Variants in ZFAND3 observed in about 807,000 individuals in gnomAD.
ZFAND3 encodes zinc finger AN1-type containing 3, also known as AN1-type zinc finger protein 3.
In ZFAND3, 10 loss-of-function variants were observed where a neutral mutation model predicts 29.6. The observed-to-expected ratio is 0.34, with a 90% CI of 0.21 to 0.57. ZFAND3 has a LOEUF of 0.57. ZFAND3 is among the 20% of genes least tolerant of loss of function. The pLI is 0.86. For missense variants in ZFAND3, 230 were observed against 304.5 expected (o/e 0.76, Z 1.82); for synonymous variants, 128 against 112.6 (o/e 1.14, Z -0.87).
chr6:38,057,404 A>C (rs1382515309), intron 2 of ZFAND3, among the ~76,000 whole-genome samples: 1 of 152,222 alleles, frequency 6.6e-6, no homozygotes, highest in African/African-American at 2.4e-5. Flanking sequence ...TGTGATGCAA[A>C]TATCAGGGCC....
At chr6:38,014,336 T>TATTA (rs563013436) in intron 2 of ZFAND3, among the ~76,000 whole-genome samples, 2,888 of 147,196 alleles carry the variant, frequency 0.02, 45 homozygotes, top group Non-Finnish European at 0.025. Flanking sequence ...TATTATTTTT[T>TATTA]TTTTTTTGAG....
chr6:37,897,286 A>G (rs1220255765), intron 1 of ZFAND3, among the ~76,000 whole-genome samples: 2 of 152,184 alleles, frequency 1.3e-5, no homozygotes, highest in Non-Finnish European at 2.9e-5. Flanking sequence ...TGTAACTAGA[A>G]TCATAGGCAC....
chr6:37,969,394 C>T (rs1263878967), intron 2 of ZFAND3, among the ~76,000 whole-genome samples: 7 of 152,108 alleles, frequency 4.6e-5, no homozygotes, highest in African/African-American at 1.7e-4. Context: ...CCTTAAGCTG[C>T]CAAACATTAT....
chr6:38,114,643 A>C (rs1347218496), intron 4 of ZFAND3, among the ~76,000 whole-genome samples: 1 of 152,156 alleles, frequency 6.6e-6, no homozygotes, highest in African/African-American at 2.4e-5. Context: ...ACTATGAGCA[A>C]ACTACCAGCA....
intron 1 of ZFAND3, among the ~76,000 whole-genome samples, chr6:37,827,789 C>T (rs1250668665): frequency 2.0e-5 from 3 of 152,164 alleles, no homozygotes; most frequent in Non-Finnish European, 2.9e-5. Context: ...ACCAGATGTC[C>T]CATATCATAG....
At chr6:38,085,318 T>A (rs1326904465) in intron 4 of ZFAND3, among the ~76,000 whole-genome samples, 1 of 152,114 alleles carries the variant, frequency 6.6e-6, no homozygotes, top group Non-Finnish European at 1.5e-5. Context: ...AGACACAGAG[T>A]GAGACCTTAA....
At chr6:37,968,858 A>T (rs2127427522) in intron 2 of ZFAND3, among the ~76,000 whole-genome samples, 1 of 152,284 alleles carries the variant, frequency 6.6e-6, no homozygotes, top group South Asian at 2.1e-4. Flanking sequence ...GAAACACCCG[A>T]GTGTGTCCAG....
intron 2 of ZFAND3, among the ~76,000 whole-genome samples, chr6:37,937,759 T>C (rs1761730317): frequency 6.6e-6 from 1 of 152,198 alleles, no homozygotes; most frequent in Non-Finnish European, 1.5e-5. Context: ...TGATTGCTTT[T>C]GTATACTCTT....
At chr6:37,919,288 G>A (rs1036887716) in intron 1 of ZFAND3, among the ~76,000 whole-genome samples, 1 of 152,024 alleles carries the variant, frequency 6.6e-6, no homozygotes, top group Admixed American at 6.6e-5. Context: ...TGTCCTGATG[G>A]TAACTGCACA....
intron 1 of ZFAND3, among the ~76,000 whole-genome samples, chr6:37,851,564 T>A (rs1265841289): frequency 6.7e-6 from 1 of 148,230 alleles, no homozygotes; most frequent in Non-Finnish European, 1.5e-5. Flanking sequence ...CTAATTGTTG[T>A]TCCCTACTTA....
chr6:38,010,693 G>A (rs1340266091), intron 2 of ZFAND3, among the ~76,000 whole-genome samples: 6 of 150,934 alleles, frequency 4.0e-5, no homozygotes, highest in East Asian at 1.9e-4. Flanking sequence ...TCCGCCTCAC[G>A]GGTTCAAGCA....
chr6:38,128,765 T>C (rs1309264252), intron 5 of ZFAND3, among the ~76,000 whole-genome samples: 1 of 152,216 alleles, frequency 6.6e-6, no homozygotes, highest in Non-Finnish European at 1.5e-5. Flanking sequence ...TTGGGTTGGT[T>C]CTACGTTTTT....
chr6:37,870,315 A>AAAAG, intron 1 of ZFAND3, among the ~76,000 whole-genome samples: 1 of 150,512 alleles, frequency 6.6e-6, no homozygotes, highest in African/African-American at 2.4e-5. Context: ...AAAAAAAAAA[A>AAAAG]AAAAGGGCGG....
At chr6:37,932,704 A>G (rs1460725356) in intron 2 of ZFAND3, among the ~76,000 whole-genome samples, 2 of 152,214 alleles carry the variant, frequency 1.3e-5, no homozygotes, top group Non-Finnish European at 2.9e-5. Context: ...CTATGAAGCT[A>G]GAGTTCAGCC....
At chr6:37,907,227 C>G (rs911222882) in intron 1 of ZFAND3, among the ~76,000 whole-genome samples, 7 of 151,904 alleles carry the variant, frequency 4.6e-5, no homozygotes, top group African/African-American at 1.5e-4. Context: ...TTTTTGTTGA[C>G]AGCTTTACTG....
chr6:37,974,531 A>G (rs1762447969), intron 2 of ZFAND3, among the ~76,000 whole-genome samples: 1 of 151,208 alleles, frequency 6.6e-6, no homozygotes. Context: ...CAGCCTCCTG[A>G]GTACCTGGAG....
chr6:37,871,465 G>A (rs1272708277), intron 1 of ZFAND3, among the ~76,000 whole-genome samples: 2 of 152,224 alleles, frequency 1.3e-5, no homozygotes, highest in African/African-American at 4.8e-5. Flanking sequence ...CTGAGAATAT[G>A]TAGCAACTAA....
At position 38,032,509 on chromosome 6, in the gene ZFAND3, T is replaced by G. The variant is rs182529164; in HGVS notation, c.113-29084T>G. ...TGTCAGAGCAGATTATAGGAAGACA[T>G]GGACCTCATTACCCAAAAGAGAATA... On this transcript the variant is annotated intron_variant, in intron 2 of 5. Coordinates refer to ENST00000287218, the MANE Select transcript of ZFAND3 (RefSeq NM_021943.3). 4.7e-4 allele frequency among the ~76,000 whole-genome samples: 72 copies of G among 152,360 alleles called. 1 individual carries two copies. The East Asian group carries it at 0.011, about 23-fold the overall frequency.
At chr6:37,864,408 C>CA (rs1324987186) in intron 1 of ZFAND3, among the ~76,000 whole-genome samples, 1 of 152,166 alleles carries the variant, frequency 6.6e-6, no homozygotes, top group Non-Finnish European at 1.5e-5. Context: ...CATGTGTAGA[C>CA]AATTTCCCTT....
Sources: allele counts gnomAD v4.1 joint callset (sites outside exome capture counted in the v4.1 genomes callset), GRCh38; gene constraint gnomAD v4.1.1; transcripts MANE v1.5; gene names NCBI Gene and HGNC (gene_info 2026-07-23, HGNC 2026-07-21).